Variants in ATPAF1 observed in about 807,000 individuals in gnomAD.
ATPAF1 encodes the protein homolog of yeast ATP11.
Under a neutral mutation model 43.9 loss-of-function variants are expected in ATPAF1, and 26 were observed. The ratio of observed to expected loss-of-function variants is 0.59; its 90% CI spans 0.43 to 0.82. ATPAF1 has a LOEUF of 0.82. Among genes scored for constraint, ATPAF1 ranks in the 40% least tolerant of loss-of-function variants. ATPAF1 has a pLI of 0.00. For missense variants in ATPAF1, 366 were observed against 435.0 expected, an observed-to-expected ratio of 0.84 and a Z score of 1.41; for synonymous variants, 157 against 168.0, an observed-to-expected ratio of 0.93 and a Z score of 0.50.
At chr1:46,663,136 T>G (rs1676424957) in intron 2 of ATPAF1, among the ~76,000 whole-genome samples, 1 of 152,240 alleles carries the variant, frequency 6.6e-6, no homozygotes, top group Non-Finnish European at 1.5e-5. Flanking sequence ...GGCTGCATAG[T>G]ATTCCATGGT....
chr1:46,641,946 C>G (rs1675958086), intron 8 of ATPAF1, among the ~76,000 whole-genome samples: 1 of 152,110 alleles, frequency 6.6e-6, no homozygotes, highest in South Asian at 2.1e-4. Flanking sequence ...ATATCTCCAG[C>G]CTGGACTTCT....
At chr1:46,667,936 A>C in intron 1 of ATPAF1, 121 bp downstream of exon 1, 1 of 772,926 alleles carries the variant, frequency 1.3e-6, no homozygotes, top group Non-Finnish European at 1.8e-6. Context: ...GAGCCTGGCT[A>C]CATCATCTGA....
Position 46,658,232 on chromosome 1 carries a change from A to G in ATPAF1, c.427-43T>C, listed in dbSNP as rs771568878. 10 of 1,450,036 alleles carry G rather than the reference A, an allele frequency of 6.9e-6. No individual in the cohort carries two copies. The African/African-American group carries it at 1.3e-4, about 19-fold the overall frequency. The allele number at this position is 1,450,036 out of a possible 1,614,324, so 89.8% of individuals were successfully genotyped here. ...AAAGCAATTAACACATAATTAAAAA[A>G]AAAAAAAAACAGCTTAACTCTATCT... is the stretch of plus-strand genomic sequence containing the variant. On this transcript the variant is annotated intron_variant, in intron 3 of 8. Transcript: ENST00000574428.
chr1:46,652,065 A>G (rs1000972246), intron 6 of ATPAF1, among the ~76,000 whole-genome samples: 3 of 152,282 alleles, frequency 2.0e-5, no homozygotes, highest in African/African-American at 7.2e-5. Context: ...TACCAATACA[A>G]TGAAATGATA....
At chr1:46,659,781 T>G (rs1005431360) in intron 2 of ATPAF1, among the ~76,000 whole-genome samples, 1 of 152,254 alleles carries the variant, frequency 6.6e-6, no homozygotes, top group South Asian at 2.1e-4. Flanking sequence ...AACCTTGCCT[T>G]TAGTCACTTT....
intron 4 of ATPAF1, among the ~76,000 whole-genome samples, chr1:46,654,248 ACAGT>A (rs1327728272): frequency 6.6e-6 from 1 of 152,120 alleles, no homozygotes; most frequent in East Asian, 1.9e-4. Context: ...CTCAGGGTTC[ACAGT>A]CAGGCAGACC....
At chr1:46,641,526 C>A (rs1368105568) in intron 8 of ATPAF1, among the ~76,000 whole-genome samples, 3 of 152,192 alleles carry the variant, frequency 2.0e-5, no homozygotes, top group African/African-American at 7.2e-5. Context: ...AGTTTCTATG[C>A]TGATTCTTCG....
chr1:46,663,868 C>G, intron 2 of ATPAF1: 1 of 1,266,232 alleles, frequency 7.9e-7, no homozygotes, highest in South Asian at 1.3e-5. Context: ...ACCTGGATTA[C>G]TCCATATTCT....
At chr1:46,636,206 T>C (rs1299325223) in intron 8 of ATPAF1, 3 of 581,728 alleles carry the variant, frequency 5.2e-6, no homozygotes, top group Middle Eastern at 2.7e-4. Context: ...TTTCTTTTTT[T>C]GTCTATTTTC....
intron 4 of ATPAF1, among the ~76,000 whole-genome samples, chr1:46,656,914 C>T (rs903726726): frequency 1.3e-5 from 2 of 152,182 alleles, no homozygotes; most frequent in African/African-American, 4.8e-5. Context: ...TCATTTATCT[C>T]TGTATCTGGC....
intron 2 of ATPAF1, among the ~76,000 whole-genome samples, chr1:46,661,580 T>C (rs1025898204): frequency 1.3e-5 from 2 of 152,224 alleles, no homozygotes; most frequent in Non-Finnish European, 2.9e-5. Context: ...TAGGGCATTA[T>C]ATTGATTTTC....
chr1:46,668,242 G>A lies in ATPAF1; in HGVS notation c.81C>T (p.Cys27=). 1.5e-6 allele frequency: 2 copies of A among 1,371,894 alleles called. No homozygotes were observed. Among genetic ancestry groups the A allele is most frequent in the Admixed American group, 3.0e-5 (1 of 33,686 alleles). The allele number at this position is 1,371,894 out of a possible 1,614,324, so 85.0% of individuals were successfully genotyped here. ...GGCCCAGGGCGCGGCTGCGCACCGC[G>A]CACAGGCCCCGGTAGAGACCGGCCA... The change falls in exon 1 of 9, where the codon TGC becomes TGT. Residue 27 remains cysteine, a synonymous_variant. Transcript: ENST00000574428. The surrounding 1 kb of genome is among the most constrained non-coding windows in gnomAD (Gnocchi z 4.4).
chr1:46,665,881 A>G, intron 1 of ATPAF1: 1 of 1,396,914 alleles, frequency 7.2e-7, no homozygotes, highest in Non-Finnish European at 9.2e-7. Flanking sequence ...CTACCCTCCA[A>G]AGAAGCTGCT....
intron 4 of ATPAF1, among the ~76,000 whole-genome samples, chr1:46,654,563 A>G (rs1189690423): frequency 1.3e-5 from 1 of 77,596 alleles, no homozygotes; most frequent in East Asian, 3.3e-4. Flanking sequence ...TTATTATTGT[A>G]CTTTAAGTTC....
chr1:46,643,965 T>TAA (rs1424853097), intron 7 of ATPAF1, among the ~76,000 whole-genome samples: 1 of 152,186 alleles, frequency 6.6e-6, no homozygotes, highest in Non-Finnish European at 1.5e-5. Context: ...AGAAGATTCC[T>TAA]AGACTTTATC....
chr1:46,645,016 A>G (rs1408394013), intron 7 of ATPAF1, 145 bp downstream of exon 7: 1 of 689,474 alleles, frequency 1.5e-6, no homozygotes, highest in African/African-American at 1.8e-5. Flanking sequence ...CTAGTCCAAC[A>G]CAAAAAGTAT....
chr1:46,665,854 C>G, intron 1 of ATPAF1: 2 of 1,423,890 alleles, frequency 1.4e-6, no homozygotes, highest in South Asian at 3.1e-5. Context: ...GATTTAGCAT[C>G]TGAGTATCTC....
intron 8 of ATPAF1, among the ~76,000 whole-genome samples, chr1:46,637,297 T>C (rs901296360): frequency 6.6e-6 from 1 of 152,042 alleles, no homozygotes. Flanking sequence ...GGAGGATTGC[T>C]TGAGACCAGG....
chr1:46,665,688 C>G (rs1003966398), intron 1 of ATPAF1: 56 of 1,535,338 alleles, frequency 3.6e-5, no homozygotes, highest in Non-Finnish European at 4.7e-5. Flanking sequence ...TGCTGGATCA[C>G]CTCTTCAGAC....
Sources: allele counts gnomAD v4.1 joint callset (sites outside exome capture counted in the v4.1 genomes callset), GRCh38; gene constraint gnomAD v4.1.1; non-coding constraint Gnocchi (gnomAD v3.1); transcripts MANE v1.5; gene names NCBI Gene and HGNC (gene_info 2026-07-23, HGNC 2026-07-21).